PIAS1: variants seen among roughly 807,000 people sequenced by gnomAD.
PIAS1 encodes the protein E3 SUMO-protein ligase PIAS1.
PIAS1 carries 6 observed loss-of-function variants against 71.3 expected under a neutral mutation model. The ratio of observed to expected loss-of-function variants is 0.08; its 90% CI spans 0.05 to 0.17. PIAS1 has a LOEUF of 0.17. Among genes scored for constraint, PIAS1 ranks in the 10% least tolerant of loss-of-function variants. The probability of loss-of-function intolerance (pLI) is 1.00; values close to 1 mark genes in which losing one functional copy is unlikely to be tolerated. For missense variants in PIAS1, 555 were observed against 793.6 expected, an observed-to-expected ratio of 0.70 and a Z score of 3.61; for synonymous variants, 303 against 292.9, an observed-to-expected ratio of 1.03 and a Z score of -0.35.
intron 1 of PIAS1, among the ~76,000 whole-genome samples, chr15:68,072,888 C>G (rs1414133511): frequency 6.6e-6 from 1 of 152,156 alleles, no homozygotes; most frequent in East Asian, 1.9e-4. Context: ...GTATAAACTT[C>G]AGTTTTGCCC....
chr15:68,085,688 T>C (rs1411586566), intron 1 of PIAS1, among the ~76,000 whole-genome samples: 3 of 152,206 alleles, frequency 2.0e-5, no homozygotes, highest in African/African-American at 7.2e-5. Context: ...TCAGGCAGGA[T>C]AATACCTTGC....
At chr15:68,134,892 G>C (rs1595754122) in intron 2 of PIAS1, among the ~76,000 whole-genome samples, 2 of 48,178 alleles carry the variant, frequency 4.2e-5, no homozygotes, top group African/African-American at 8.7e-5. Flanking sequence ...CGGGCAGAGG[G>C]GCTCCCCACC....
intron 2 of PIAS1, among the ~76,000 whole-genome samples, chr15:68,100,086 G>T (rs2092410052): frequency 7.6e-6 from 1 of 130,980 alleles, no homozygotes. Flanking sequence ...TCTGTAGCTT[G>T]TATTTCTTCG....
chr15:68,152,899 C>CTTTT (rs71287005), intron 6 of PIAS1, among the ~76,000 whole-genome samples: 1 of 121,962 alleles, frequency 8.2e-6, no homozygotes, highest in Non-Finnish European at 1.8e-5. Flanking sequence ...TTTGGCTTTT[C>CTTTT]TTTTTTTTTT....
chr15:68,077,290 T>TA (rs1212699185), intron 1 of PIAS1, among the ~76,000 whole-genome samples: 1 of 152,242 alleles, frequency 6.6e-6, no homozygotes, highest in Non-Finnish European at 1.5e-5. Flanking sequence ...GGGATAGTAA[T>TA]ACTGCTGTGT....
intron 2 of PIAS1, among the ~76,000 whole-genome samples, chr15:68,127,076 G>A (rs8034743): frequency 9.9e-5 from 15 of 152,038 alleles, no homozygotes; most frequent in African/African-American, 3.4e-4. Context: ...GACTACAGGC[G>A]CACCATGCTG....
rs141085024 is a variant in PIAS1 at position 68,102,968 on chromosome 15, C to T, written c.469+16218C>T. 7.8e-4 allele frequency among the ~76,000 whole-genome samples: 118 copies of T among 151,920 alleles called. 2 individuals are homozygous for T. In the Middle Eastern group the frequency reaches 0.027, roughly 35 times the overall value. On this transcript the variant is annotated intron_variant, in intron 2 of 13. Coordinates refer to ENST00000249636, the MANE Select transcript of PIAS1 (RefSeq NM_016166.3). ...TTTGAGACAGGGTCTCATTCTGTTG[C>T]CCAGGCTGGAGTATAGTAGCACAGT...
At chr15:68,096,122 A>G (rs1004351666) in intron 2 of PIAS1, among the ~76,000 whole-genome samples, 82 of 152,334 alleles carry the variant, frequency 5.4e-4, no homozygotes, top group African/African-American at 1.9e-3. Context: ...GATAATCTGC[A>G]GTTCCTAGAA....
At chr15:68,083,510 A>G (rs975313463) in intron 1 of PIAS1, among the ~76,000 whole-genome samples, 1 of 152,158 alleles carries the variant, frequency 6.6e-6, no homozygotes, top group African/African-American at 2.4e-5. Context: ...TTAAAAGCCA[A>G]AATGTTGAAG....
intron 1 of PIAS1, among the ~76,000 whole-genome samples, chr15:68,061,014 A>C (rs1055446749): frequency 3.3e-5 from 5 of 152,270 alleles, no homozygotes; most frequent in African/African-American, 1.2e-4. Context: ...AACATAGGCA[A>C]TGAAAGCATT....
Position 68,173,714 on chromosome 15 carries a change from T to C in PIAS1, c.1009-18T>C. ...GAATAGCAATTATCTAATATTTACT[T>C]TTTCTCCCTTTTTAAAGCTTGGTAA... On this transcript the variant is annotated intron_variant, in intron 8 of 13. Transcript: ENST00000249636. The surrounding 1 kb of genome is among the most constrained non-coding windows in gnomAD (Gnocchi z 4.3). 6.7e-7 allele frequency: 1 copy of C among 1,499,762 alleles called. No individual in the cohort carries two copies. Among genetic ancestry groups the C allele is most frequent in the Non-Finnish European group, 9.0e-7 (1 of 1,113,220 alleles). 92.9% of individuals were successfully genotyped at this position (1,499,762 alleles called of 1,614,324 possible). A position where few individuals can be genotyped will look rare whatever the true frequency, so the allele number is the denominator to read the frequency against.
chr15:68,142,103 A>G, intron 3 of PIAS1, 73 bp downstream of exon 3: 2 of 1,087,932 alleles, frequency 1.8e-6, no homozygotes, highest in Non-Finnish European at 2.8e-6. Flanking sequence ...ATTTTAAAAA[A>G]CAGTGATTGG....
At chr15:68,114,073 T>C (rs1044429632) in intron 2 of PIAS1, among the ~76,000 whole-genome samples, 2 of 151,688 alleles carry the variant, frequency 1.3e-5, no homozygotes, top group African/African-American at 4.8e-5. Flanking sequence ...TATATACATG[T>C]ATAGTATATT....
intron 1 of PIAS1, among the ~76,000 whole-genome samples, chr15:68,082,428 G>A (rs1207636664): frequency 6.6e-6 from 1 of 152,106 alleles, no homozygotes; most frequent in Admixed American, 6.6e-5. Context: ...TGATTTACCT[G>A]ATGTATTTGA....
At chr15:68,146,458 ACATT>A (rs2092808846) in intron 5 of PIAS1, 104 bp from the exon 6 acceptor site, 1 of 742,484 alleles carries the variant, frequency 1.3e-6, no homozygotes, top group East Asian at 2.7e-5. Context: ...TTTAATGAAA[ACATT>A]CATATTTTCT....
chr15:68,157,389 G>C (rs1215205403), intron 7 of PIAS1, among the ~76,000 whole-genome samples: 1 of 152,078 alleles, frequency 6.6e-6, no homozygotes, highest in Non-Finnish European at 1.5e-5. Flanking sequence ...ATAGAGCTCT[G>C]TGTTCCTCCC....
intron 2 of PIAS1, among the ~76,000 whole-genome samples, chr15:68,135,098 G>A (rs2092717040): frequency 2.1e-5 from 1 of 46,890 alleles, no homozygotes; most frequent in African/African-American, 4.5e-5. Flanking sequence ...GCGGGGGGCT[G>A]ACCCCCCCAC....
At chr15:68,132,035 TAAAA>T (rs35523127) in intron 2 of PIAS1, among the ~76,000 whole-genome samples, 1 of 118,624 alleles carries the variant, frequency 8.4e-6, no homozygotes. Flanking sequence ...AAACCTCCTC[TAAAA>T]AAAAAAAAAA....
chr15:68,089,756 A>G (rs942775420), intron 2 of PIAS1, among the ~76,000 whole-genome samples: 4 of 152,066 alleles, frequency 2.6e-5, no homozygotes, highest in African/African-American at 7.2e-5. Flanking sequence ...GGGTTTCACC[A>G]TGTTGGCCAG....
Sources: gnomAD v4.1 joint callset for allele counts (sites outside exome capture counted in the v4.1 genomes callset) on GRCh38, gnomAD v4.1.1 for gene constraint, Gnocchi (gnomAD v3.1) non-coding constraint, MANE v1.5 for transcripts, NCBI Gene and HGNC (gene_info 2026-07-23, HGNC 2026-07-21) for gene names.